The following PDZD9 variants were observed in gnomAD, a reference collection of about 807,000 sequenced individuals.
PDZD9 encodes PDZ domain-containing protein 9.
PDZD9 carries 13 observed loss-of-function variants against 16.3 expected under a neutral mutation model. The observed-to-expected ratio is 0.80, with a 90% CI of 0.52 to 1.27. PDZD9 has a LOEUF of 1.27. PDZD9 is among the 50% of genes most tolerant of loss of function. The pLI is 0.00. For missense variants in PDZD9, 288 were observed against 310.9 expected (o/e 0.93, Z 0.55); for synonymous variants, 120 against 111.0 (o/e 1.08, Z -0.51).
At chr16:21,960,028 G>C in the PDZD9 span, among the ~76,000 whole-genome samples, 1 of 152,184 alleles carries the variant, frequency 6.6e-6, no homozygotes, top group Admixed American at 6.5e-5. Flanking sequence ...CTAGGATTTT[G>C]AGAATGGTAA....
the PDZD9 span, among the ~76,000 whole-genome samples, chr16:21,961,039 C>T: frequency 2.6e-5 from 4 of 152,034 alleles, no homozygotes; most frequent in Non-Finnish European, 5.9e-5. Flanking sequence ...CTATGTTGCC[C>T]AGACTGGTCT....
At chr16:21,985,738 G>A (rs1898862371) in intron 3 of PDZD9, among the ~76,000 whole-genome samples, 1 of 152,254 alleles carries the variant, frequency 6.6e-6, no homozygotes, top group East Asian at 1.9e-4. Context: ...AAGACTTCTG[G>A]TGTTATCACT....
downstream of PDZD9, chr16:21,980,304 CA>C: frequency 2.2e-6 from 1 of 444,910 alleles, no homozygotes; most frequent in South Asian, 3.6e-5. Flanking sequence ...AAATGGAGGC[CA>C]AAGTGGGCCC....
chr16:21,981,863 C>T (rs1212967284), downstream of PDZD9, among the ~76,000 whole-genome samples: 5 of 148,290 alleles, frequency 3.4e-5, no homozygotes, highest in East Asian at 1.0e-3. Flanking sequence ...TTTTTTGAGA[C>T]GGAGTCTTGC....
downstream of PDZD9, chr16:21,980,435 G>A (rs1329838518): frequency 6.1e-6 from 7 of 1,140,328 alleles, no homozygotes; most frequent in African/African-American, 1.5e-5. Context: ...GAGACACGCT[G>A]TTACTCTATC....
downstream of PDZD9, among the ~76,000 whole-genome samples, chr16:21,982,847 C>G (rs1373067250): frequency 6.6e-6 from 1 of 151,868 alleles, no homozygotes; most frequent in Non-Finnish European, 1.5e-5. Context: ...TGCCTGTAAT[C>G]CCAGCTCCTT....
At chr16:21,976,911 G>A in the PDZD9 span, 2 of 152,096 alleles carry the variant, frequency 1.3e-5, no homozygotes, top group Admixed American at 6.5e-5. Flanking sequence ...AAATACACTT[G>A]TGCATTTTCT....
chr16:21,967,765 G>T, the PDZD9 span, among the ~76,000 whole-genome samples: 2 of 152,072 alleles, frequency 1.3e-5, no homozygotes, highest in Admixed American at 1.3e-4. Context: ...CGACACCCTG[G>T]TATAGACAAT....
At chr16:21,960,929 C>T in the PDZD9 span, among the ~76,000 whole-genome samples, 1 of 152,066 alleles carries the variant, frequency 6.6e-6, no homozygotes, top group Non-Finnish European at 1.5e-5. Context: ...CTCCTGGGCC[C>T]AAGCGATTCT....
the PDZD9 span, among the ~76,000 whole-genome samples, chr16:21,977,135 CT>C: frequency 6.6e-6 from 1 of 152,106 alleles, no homozygotes; most frequent in East Asian, 1.9e-4. Flanking sequence ...AGGAGGATCA[CT>C]TGAGGCCAGG....
At chr16:21,989,391 AC>A (rs1336150229) in intron 2 of PDZD9, among the ~76,000 whole-genome samples, 1 of 152,156 alleles carries the variant, frequency 6.6e-6, no homozygotes, top group Non-Finnish European at 1.5e-5. Context: ...AGGCTAAAAA[AC>A]ATTTATAATC....
chr16:21,974,791 A>T, the PDZD9 span, among the ~76,000 whole-genome samples: 3 of 152,232 alleles, frequency 2.0e-5, no homozygotes, highest in African/African-American at 7.2e-5. Flanking sequence ...AGTCTGAGAA[A>T]GGAATACTTG....
At chr16:21,974,337 G>A in the PDZD9 span, among the ~76,000 whole-genome samples, 1 of 152,142 alleles carries the variant, frequency 6.6e-6, no homozygotes, top group East Asian at 1.9e-4. Context: ...GTGAATGATT[G>A]TAGGAAAAGA....
downstream of PDZD9, among the ~76,000 whole-genome samples, chr16:21,982,042 A>G (rs1258449451): frequency 1.3e-5 from 2 of 151,586 alleles, no homozygotes; most frequent in African/African-American, 2.4e-5. Context: ...GGGTTTTACC[A>G]TGTTAGCCAG....
intron 1 of PDZD9, among the ~76,000 whole-genome samples, chr16:21,996,743 A>T (rs1380822203): frequency 2.6e-5 from 4 of 152,222 alleles, no homozygotes; most frequent in Non-Finnish European, 5.9e-5. Context: ...ATTAGTTAGT[A>T]TTATCTGTTC....
At chr16:21,976,409 C>T in the PDZD9 span, 1 of 604,740 alleles carries the variant, frequency 1.7e-6, no homozygotes, top group Non-Finnish European at 2.7e-6. Context: ...TAATTGTTAA[C>T]ATTTTGGCCA....
intron 1 of PDZD9, among the ~76,000 whole-genome samples, chr16:21,999,934 G>C (rs1238079660): frequency 1.3e-5 from 2 of 152,246 alleles, no homozygotes; most frequent in African/African-American, 2.4e-5. Context: ...CTACTCTGGA[G>C]GCTGAGGGGC....
chr16:21,998,894 A>G (rs1399486035), intron 1 of PDZD9: 2 of 215,960 alleles, frequency 9.3e-6, no homozygotes, highest in Non-Finnish European at 2.1e-5. Context: ...AATGCTAGCA[A>G]CATACCAGAC....
At chr16:21,975,671 A>C in the PDZD9 span, among the ~76,000 whole-genome samples, 1 of 152,190 alleles carries the variant, frequency 6.6e-6, no homozygotes, top group African/African-American at 2.4e-5. Flanking sequence ...CAAGCCTTAC[A>C]AATTGGCTGT....
Sources: gnomAD v4.1 joint callset for allele counts (sites outside exome capture counted in the v4.1 genomes callset) on GRCh38, gnomAD v4.1.1 for gene constraint, MANE v1.5 for transcripts, NCBI Gene and HGNC (gene_info 2026-07-23, HGNC 2026-07-21) for gene names.